SGCZ: variants seen among roughly 807,000 people sequenced by gnomAD.
The protein encoded by SGCZ is sarcoglycan zeta.
SGCZ carries 40 observed loss-of-function variants against 41.3 expected under a neutral mutation model. The observed-to-expected ratio is 0.97, with a 90% CI of 0.75 to 1.26. The LOEUF (loss-of-function observed/expected upper bound fraction) is 1.26. SGCZ is among the 50% of genes most tolerant of loss of function. SGCZ has a pLI of 0.00. For missense variants in SGCZ, 552 were observed against 369.8 expected, an observed-to-expected ratio of 1.49 and a Z score of -4.04; for synonymous variants, 206 against 137.5, an observed-to-expected ratio of 1.50 and a Z score of -3.49.
At chr8:15,174,749 G>A (rs1156829376) in intron 1 of SGCZ, among the ~76,000 whole-genome samples, 1 of 152,150 alleles carries the variant, frequency 6.6e-6, no homozygotes, top group Non-Finnish European at 1.5e-5. Context: ...GTAATAGTAT[G>A]GAACTGTATC....
At chr8:14,114,994 G>C (rs560766653) in intron 5 of SGCZ, among the ~76,000 whole-genome samples, 1 of 151,786 alleles carries the variant, frequency 6.6e-6, no homozygotes, top group African/African-American at 2.4e-5. Flanking sequence ...TGATGGAAAC[G>C]ACATTTTTAA....
At chr8:14,864,944 T>C (rs1013642865) in intron 1 of SGCZ, among the ~76,000 whole-genome samples, 2 of 152,070 alleles carry the variant, frequency 1.3e-5, no homozygotes, top group Non-Finnish European at 2.9e-5. Flanking sequence ...ATTTTTTCTA[T>C]GTCTTTTTTG....
At chr8:15,077,114 G>A (rs1315992583) in intron 1 of SGCZ, among the ~76,000 whole-genome samples, 1 of 152,054 alleles carries the variant, frequency 6.6e-6, no homozygotes, top group Non-Finnish European at 1.5e-5. Context: ...GTAATGAAGT[G>A]GATTCTTTTT....
At chr8:15,058,806 T>A (rs1399154838) in intron 1 of SGCZ, among the ~76,000 whole-genome samples, 1 of 152,174 alleles carries the variant, frequency 6.6e-6, no homozygotes, top group Non-Finnish European at 1.5e-5. Flanking sequence ...ATATGTTACA[T>A]TTTATTTTTA....
chr8:14,880,269 G>T (rs1010795588), intron 1 of SGCZ, among the ~76,000 whole-genome samples: 1 of 152,190 alleles, frequency 6.6e-6, no homozygotes, highest in Non-Finnish European at 1.5e-5. Flanking sequence ...TCTCACACCA[G>T]TTAGAATGGT....
At chr8:14,732,607 A>G (rs1431919243) in intron 1 of SGCZ, among the ~76,000 whole-genome samples, 1 of 152,192 alleles carries the variant, frequency 6.6e-6, no homozygotes, top group Non-Finnish European at 1.5e-5. Context: ...ATGGAAACAT[A>G]TGATGAGAAT....
chr8:14,545,403 G>A (rs1803595001), intron 2 of SGCZ, among the ~76,000 whole-genome samples: 2 of 126,810 alleles, frequency 1.6e-5, no homozygotes, highest in South Asian at 2.8e-4. Flanking sequence ...CTTTTGAAAA[G>A]CAAATGCTTA....
chr8:14,370,799 C>A (rs1451987698), intron 2 of SGCZ, among the ~76,000 whole-genome samples: 1 of 151,772 alleles, frequency 6.6e-6, no homozygotes, highest in East Asian at 1.9e-4. Flanking sequence ...AAAATCACTA[C>A]AATCATTAAT....
intron 1 of SGCZ, among the ~76,000 whole-genome samples, chr8:14,926,607 GT>G (rs1799758496): frequency 2.1e-5 from 3 of 141,624 alleles, no homozygotes; most frequent in South Asian, 2.2e-4. Flanking sequence ...TCAGTAGACA[GT>G]TTTTTGTTTG....
At chr8:15,176,095 T>G (rs2117075305) in intron 1 of SGCZ, among the ~76,000 whole-genome samples, 1 of 152,320 alleles carries the variant, frequency 6.6e-6, no homozygotes, top group African/African-American at 2.4e-5. Flanking sequence ...ATTTTCAAAA[T>G]ACCCACATTA....
intron 1 of SGCZ, among the ~76,000 whole-genome samples, chr8:14,803,500 C>T (rs1318609589): frequency 1.3e-5 from 2 of 152,234 alleles, no homozygotes; most frequent in Non-Finnish European, 2.9e-5. Context: ...CACTCCCACC[C>T]GAATACCGCG....
intron 1 of SGCZ, among the ~76,000 whole-genome samples, chr8:14,568,894 C>G (rs1452771214): frequency 6.6e-6 from 1 of 152,040 alleles, no homozygotes; most frequent in Non-Finnish European, 1.5e-5. Context: ...ATAATTCAAG[C>G]AATTGGAAAC....
At chr8:15,060,348 G>T (rs1270082006) in intron 1 of SGCZ, among the ~76,000 whole-genome samples, 1 of 151,930 alleles carries the variant, frequency 6.6e-6, no homozygotes, top group African/African-American at 2.4e-5. Flanking sequence ...CATAAAAAAG[G>T]ATGAGTTCAT....
At chr8:14,663,846 T>G (rs1197802064) in intron 1 of SGCZ, among the ~76,000 whole-genome samples, 1 of 152,146 alleles carries the variant, frequency 6.6e-6, no homozygotes, top group Non-Finnish European at 1.5e-5. Flanking sequence ...CACATATCAT[T>G]AGCACTTAGA....
intron 1 of SGCZ, among the ~76,000 whole-genome samples, chr8:14,609,836 C>A (rs1805869311): frequency 1.3e-5 from 2 of 152,020 alleles, no homozygotes; most frequent in African/African-American, 2.4e-5. Context: ...GAAAAAAAAA[C>A]AGCAGGCTAA....
chr8:15,170,630 T>G (rs972112223), intron 1 of SGCZ, among the ~76,000 whole-genome samples: 3 of 152,224 alleles, frequency 2.0e-5, no homozygotes, highest in Non-Finnish European at 2.9e-5. Flanking sequence ...GACTGGGTTT[T>G]GTTTTGTTTT....
chr8:15,177,214 A>C (rs1354428500), intron 1 of SGCZ, among the ~76,000 whole-genome samples: 1 of 152,216 alleles, frequency 6.6e-6, no homozygotes, highest in Admixed American at 6.5e-5. Context: ...ATGCCTCCAG[A>C]ATCAAGAGAA....
At chr8:14,146,302 G>A (rs1293114824) in intron 5 of SGCZ, among the ~76,000 whole-genome samples, 1 of 151,874 alleles carries the variant, frequency 6.6e-6, no homozygotes, top group African/African-American at 2.4e-5. Context: ...AAGTGCTGAA[G>A]CAAAAAAATG....
intron 2 of SGCZ, among the ~76,000 whole-genome samples, chr8:14,369,978 C>T (rs1226723253): frequency 6.6e-6 from 1 of 151,924 alleles, no homozygotes; most frequent in Non-Finnish European, 1.5e-5. Context: ...AATATTTATT[C>T]TGATGATGGA....
Sources: gnomAD v4.1 joint callset for allele counts (sites outside exome capture counted in the v4.1 genomes callset) on GRCh38, gnomAD v4.1.1 for gene constraint, MANE v1.5 for transcripts, NCBI Gene and HGNC (gene_info 2026-07-23, HGNC 2026-07-21) for gene names.